The following KIF13B variants were observed in gnomAD, a reference collection of about 807,000 sequenced individuals.
KIF13B encodes the protein kinesin-like protein KIF13B.
A neutral mutation model predicts 222.0 loss-of-function variants in KIF13B; 127 were observed. That is an observed-to-expected ratio of 0.57 (90% confidence interval 0.50 to 0.66). The LOEUF (loss-of-function observed/expected upper bound fraction) is 0.66. Ranked by LOEUF, KIF13B falls within the 30% of genes least tolerant of loss-of-function variation. The pLI is 0.00. For missense variants in KIF13B, 2,173 were observed against 2,379.0 expected (o/e 0.91, Z 1.80); for synonymous variants, 976 against 919.0 (o/e 1.06, Z -1.12).
intron 37 of KIF13B, among the ~76,000 whole-genome samples, chr8:29,078,048 C>T (rs73224647): frequency 0.15 from 21,111 of 145,056 alleles, 1,532 homozygotes; most frequent in Middle Eastern, 0.18. Context: ...TTTGGGAGGC[C>T]GCAGCAGGAG....
chr8:29,184,102 A>G (rs1207024461), intron 6 of KIF13B, among the ~76,000 whole-genome samples: 1 of 152,160 alleles, frequency 6.6e-6, no homozygotes, highest in Non-Finnish European at 1.5e-5. Flanking sequence ...CGCCCAGGAT[A>G]TAGTCTATTA....
intron 36 of KIF13B, among the ~76,000 whole-genome samples, chr8:29,097,995 C>T (rs1274344534): frequency 2.0e-5 from 3 of 151,234 alleles, no homozygotes; most frequent in East Asian, 1.9e-4. Flanking sequence ...CATGGTGAAA[C>T]TCCGTCTCTA....
intron 2 of KIF13B, among the ~76,000 whole-genome samples, chr8:29,225,990 T>C (rs1815003327): frequency 6.6e-6 from 1 of 152,254 alleles, no homozygotes; most frequent in Non-Finnish European, 1.5e-5. Context: ...GGCATATAAG[T>C]AACTAGGGTC....
chr8:29,227,170 A>C (rs1229988959), intron 2 of KIF13B, among the ~76,000 whole-genome samples: 1 of 152,248 alleles, frequency 6.6e-6, no homozygotes, highest in Non-Finnish European at 1.5e-5. Context: ...TTATTAAATC[A>C]CAACATAAAA....
intron 1 of KIF13B, among the ~76,000 whole-genome samples, chr8:29,256,526 T>A (rs188691137): frequency 6.6e-6 from 1 of 152,342 alleles, no homozygotes; most frequent in Admixed American, 6.5e-5. Context: ...ATGTGCATCT[T>A]ATTATCAACA....
intron 2 of KIF13B, among the ~76,000 whole-genome samples, chr8:29,211,184 C>G (rs1814205447): frequency 6.6e-6 from 1 of 152,234 alleles, no homozygotes; most frequent in Non-Finnish European, 1.5e-5. Context: ...GTAAGAACCT[C>G]GGAGAGGGCA....
At chr8:29,227,954 T>A (rs60984263) in intron 2 of KIF13B, among the ~76,000 whole-genome samples, 10,496 of 151,608 alleles carry the variant, frequency 0.069, 501 homozygotes, top group African/African-American at 0.12. Context: ...TTAAAAAAAA[T>A]TTTTTTTAAG....
intron 37 of KIF13B, among the ~76,000 whole-genome samples, chr8:29,079,727 T>C (rs1014738248): frequency 2.1e-4 from 32 of 152,232 alleles, no homozygotes; most frequent in Non-Finnish European, 7.3e-5. Flanking sequence ...AAATCTTTCA[T>C]GGCTAACAAT....
At chr8:29,146,124 A>G in intron 18 of KIF13B, 1 of 589,580 alleles carries the variant, frequency 1.7e-6, no homozygotes, top group African/African-American at 1.9e-5. Flanking sequence ...ACAGATTTGA[A>G]GGAAGAAAGT....
intron 2 of KIF13B, among the ~76,000 whole-genome samples, chr8:29,228,472 A>AAAAAAAAAAAATATATATATAT: frequency 1.5e-4 from 17 of 117,070 alleles, no homozygotes; most frequent in Middle Eastern, 4.4e-3. Flanking sequence ...ATCTTAAAAA[A>AAAAAAAAAAAATATATATATAT]ATATATATAT....
At position 29,184,073 on chromosome 8, in the gene KIF13B, G is replaced by C. The variant is rs140673696; in HGVS notation, c.498-2067C>G. ...CATGTAACTGGATAAAGTAGATATA[G>C]AATATTTGATTTACTTCTCGCCCAG... On this transcript the variant is annotated intron_variant, in intron 6 of 39. Transcript: ENST00000524189. Among the ~76,000 whole-genome samples the C allele has an allele frequency of 3.5e-3, 536 of 152,098 alleles. 4 individuals carry two copies. Among genetic ancestry groups the C allele is most frequent in the African/African-American group, 0.012 (510 of 41,488 alleles).
At chr8:29,250,398 C>A (rs1816231990) in intron 1 of KIF13B, among the ~76,000 whole-genome samples, 1 of 152,174 alleles carries the variant, frequency 6.6e-6, no homozygotes. Flanking sequence ...ACCCCCTACA[C>A]CATGCATATC....
At chr8:29,099,874 G>A (rs1026086581) in intron 35 of KIF13B, among the ~76,000 whole-genome samples, 10 of 152,088 alleles carry the variant, frequency 6.6e-5, no homozygotes, top group South Asian at 2.1e-4. Flanking sequence ...TTCTCCCTTC[G>A]GTTCTGCTTT....
rs768145244 is a variant in KIF13B at position 29,142,128 on chromosome 8, A to G, written c.2334+29T>C. On this transcript the variant is annotated intron_variant, in intron 19 of 39. Coordinates refer to ENST00000524189, the MANE Select transcript of KIF13B (RefSeq NM_015254.4). The stretch of plus-strand genomic sequence containing the variant: ...AGCTTGGCTCCTTCCATAATTACCA[A>G]TTAAGTGATTTTCTCTTAAATAACT... The G allele has an allele frequency of 2.5e-6, 4 of 1,593,416 alleles. No individual in the cohort carries two copies. The East Asian group carries it at 8.9e-5, about 36-fold the overall frequency.
intron 13 of KIF13B, among the ~76,000 whole-genome samples, chr8:29,156,623 C>T (rs781308099): frequency 6.6e-6 from 1 of 151,970 alleles, no homozygotes; most frequent in Non-Finnish European, 1.5e-5. Context: ...AAGCAATCTT[C>T]CTGTCTCAGC....
At chr8:29,225,297 G>A (rs899368462) in intron 2 of KIF13B, among the ~76,000 whole-genome samples, 3 of 152,204 alleles carry the variant, frequency 2.0e-5, no homozygotes, top group Admixed American at 2.0e-4. Context: ...AACGCATTTA[G>A]TCCTCATAAC....
At chr8:29,184,684 A>G (rs934981604) in intron 6 of KIF13B, among the ~76,000 whole-genome samples, 1 of 152,208 alleles carries the variant, frequency 6.6e-6, no homozygotes, top group African/African-American at 2.4e-5. Context: ...GAAATTACTA[A>G]AGACTGTACA....
At chr8:29,117,111 C>T (rs947258610) in intron 30 of KIF13B, 104 bp from the exon 31 acceptor site, 3 of 1,001,232 alleles carry the variant, frequency 3.0e-6, no homozygotes, top group Non-Finnish European at 4.3e-6. Flanking sequence ...ACATGCCAGT[C>T]ACCAGCAAAG....
intron 2 of KIF13B, among the ~76,000 whole-genome samples, chr8:29,231,240 G>A (rs1316048665): frequency 6.6e-6 from 1 of 152,186 alleles, no homozygotes; most frequent in Middle Eastern, 3.2e-3. Context: ...CCTTCATGAT[G>A]TAAATAGATG....
Sources: gnomAD v4.1 joint callset for allele counts (sites outside exome capture counted in the v4.1 genomes callset) on GRCh38, gnomAD v4.1.1 for gene constraint, MANE v1.5 for transcripts, NCBI Gene and HGNC (gene_info 2026-07-23, HGNC 2026-07-21) for gene names.